Variants in CLSTN2 observed in about 807,000 individuals in gnomAD.
CLSTN2 encodes calsyntenin 2.
A neutral mutation model predicts 101.2 loss-of-function variants in CLSTN2; 48 were observed. That is an observed-to-expected ratio of 0.47 (90% CI 0.38 to 0.60). The LOEUF (loss-of-function observed/expected upper bound fraction) is 0.60. Among genes scored for constraint, CLSTN2 ranks in the 20% least tolerant of loss-of-function variants. The pLI is 0.00. For missense variants in CLSTN2, 1,160 were observed against 1,238.2 expected, an observed-to-expected ratio of 0.94 and a Z score of 0.95; for synonymous variants, 481 against 463.6, an observed-to-expected ratio of 1.04 and a Z score of -0.48.
intron 1 of CLSTN2, among the ~76,000 whole-genome samples, chr3:139,985,846 T>C (rs1209750593): frequency 6.6e-6 from 1 of 152,196 alleles, no homozygotes; most frequent in African/African-American, 2.4e-5. Flanking sequence ...TGCCATTCAG[T>C]ATGGTAGTTA....
At chr3:140,528,096 A>C (rs1935179926) in intron 8 of CLSTN2, among the ~76,000 whole-genome samples, 1 of 152,168 alleles carries the variant, frequency 6.6e-6, no homozygotes, top group Non-Finnish European at 1.5e-5. Flanking sequence ...AAATAATGTC[A>C]TTTCTTTCTC....
chr3:140,552,043 C>T (rs1421458421), intron 10 of CLSTN2, among the ~76,000 whole-genome samples: 1 of 151,984 alleles, frequency 6.6e-6, no homozygotes, highest in African/African-American at 2.4e-5. Context: ...AGGCAGGTGT[C>T]ATAGGGAGCA....
At chr3:140,135,090 ACACAC>A (rs1560105460) in intron 1 of CLSTN2, among the ~76,000 whole-genome samples, 78 of 37,606 alleles carry the variant, frequency 2.1e-3, no homozygotes, top group Non-Finnish European at 3.3e-3. Context: ...TCAAAAAAAC[ACACAC>A]ACACACACAC....
chr3:140,308,478 A>G (rs937418576), intron 2 of CLSTN2, among the ~76,000 whole-genome samples: 1 of 152,236 alleles, frequency 6.6e-6, no homozygotes, highest in Non-Finnish European at 1.5e-5. Flanking sequence ...CCTGATAAAT[A>G]AATGTGTGGT....
chr3:140,394,327 T>G (rs1050343898), intron 2 of CLSTN2, among the ~76,000 whole-genome samples: 6 of 152,222 alleles, frequency 3.9e-5, no homozygotes, highest in Non-Finnish European at 2.9e-5. Context: ...AATCCAGGTT[T>G]ACCCTTCTTT....
chr3:140,002,422 A>G (rs912182050), intron 1 of CLSTN2, among the ~76,000 whole-genome samples: 6 of 152,148 alleles, frequency 3.9e-5, no homozygotes, highest in East Asian at 1.9e-4. Context: ...ACTTTTACCT[A>G]TAGAGTTGTT....
chr3:140,156,390 A>G (rs926046750), intron 1 of CLSTN2, among the ~76,000 whole-genome samples: 9 of 152,198 alleles, frequency 5.9e-5, no homozygotes, highest in African/African-American at 2.2e-4. Flanking sequence ...GGCCTTCTGT[A>G]TCATAGATTC....
At chr3:140,299,967 T>C (rs1433228732) in intron 2 of CLSTN2, among the ~76,000 whole-genome samples, 1 of 152,190 alleles carries the variant, frequency 6.6e-6, no homozygotes, top group Non-Finnish European at 1.5e-5. Context: ...ATGATGGTTT[T>C]GTGTACAGCC....
rs909074689 is a variant in CLSTN2, at chr3:139,982,217, GTAT to G, written c.109+46743_109+46745del. Among the ~76,000 whole-genome samples, 263 of 151,916 alleles carry G rather than the reference GTAT, an allele frequency of 1.7e-3. 1 individual carries two copies. Among genetic ancestry groups the G allele is most frequent in the African/African-American group, 5.9e-3 (244 of 41,438 alleles). Reference sequence around the variant, plus strand: ...TTTGGTTGAATTTTTATATTTTCAGGTATTATTATTAATATAATTTTATATTAC... The same window carrying G: ...TTTGGTTGAATTTTTATATTTTCAGGTATTATTAATATAATTTTATATTAC... On this transcript the variant is annotated intron_variant, in intron 1 of 16. Coordinates refer to ENST00000458420, the MANE Select transcript of CLSTN2 (RefSeq NM_022131.3).
intron 2 of CLSTN2, among the ~76,000 whole-genome samples, chr3:140,177,361 C>G (rs930375618): frequency 6.6e-6 from 1 of 152,174 alleles, no homozygotes; most frequent in African/African-American, 2.4e-5. Context: ...TAGGAAGACT[C>G]TAACACATCT....
chr3:140,528,636 C>CA (rs3057900), intron 8 of CLSTN2, among the ~76,000 whole-genome samples: 24 of 148,984 alleles, frequency 1.6e-4, no homozygotes, highest in African/African-American at 4.6e-4. Context: ...GTGCCTCTGA[C>CA]AAAAAAAAGA....
intron 8 of CLSTN2, among the ~76,000 whole-genome samples, chr3:140,513,023 T>C (rs931741984): frequency 2.0e-5 from 3 of 152,210 alleles, no homozygotes; most frequent in Non-Finnish European, 2.9e-5. Context: ...ACTAAGACGA[T>C]GGGATTTTCT....
chr3:140,434,144 G>T (rs559543419), intron 5 of CLSTN2, among the ~76,000 whole-genome samples: 4 of 152,278 alleles, frequency 2.6e-5, no homozygotes, highest in African/African-American at 7.2e-5. Flanking sequence ...CCCTGCCACA[G>T]TTGTCCTCAT....
intron 1 of CLSTN2, among the ~76,000 whole-genome samples, chr3:139,994,115 G>A (rs192597472): frequency 6.0e-4 from 92 of 152,306 alleles, no homozygotes; most frequent in African/African-American, 2.2e-3. Context: ...ACATGCACCT[G>A]CCACAGCAGG....
At chr3:140,150,700 G>C (rs942705532) in intron 1 of CLSTN2, among the ~76,000 whole-genome samples, 8 of 152,080 alleles carry the variant, frequency 5.3e-5, no homozygotes, top group African/African-American at 1.9e-4. Context: ...GCTGCCATTG[G>C]GCTGTATCAC....
intron 9 of CLSTN2, among the ~76,000 whole-genome samples, chr3:140,533,390 G>T (rs1181946239): frequency 6.6e-6 from 1 of 152,174 alleles, no homozygotes; most frequent in Non-Finnish European, 1.5e-5. Flanking sequence ...ACCATGAGGG[G>T]CTGGGGATAG....
Position 140,196,179 on chromosome 3 carries a change from G to A in CLSTN2, c.232+20106G>A, listed in dbSNP as rs532427169. ...ATAACAGCTGAAAGAGAAAAAACAG[G>A]CACCTTTTAGCTACATCAGGTTCTG... On this transcript the variant is annotated intron_variant, in intron 2 of 16. Coordinates refer to ENST00000458420, the MANE Select transcript of CLSTN2 (RefSeq NM_022131.3). Among the ~76,000 whole-genome samples the A allele has an allele frequency of 3.9e-5, 6 of 152,296 alleles. No homozygotes were observed. The South Asian group carries it at 1.0e-3, about 26-fold the overall frequency.
chr3:140,373,407 A>G (rs547501762), intron 2 of CLSTN2, among the ~76,000 whole-genome samples: 38 of 152,336 alleles, frequency 2.5e-4, no homozygotes, highest in Non-Finnish European at 3.8e-4. Context: ...GTTAACAACT[A>G]CATTTTCAAC....
chr3:140,321,083 G>A (rs2087279506), intron 2 of CLSTN2, among the ~76,000 whole-genome samples: 1 of 152,210 alleles, frequency 6.6e-6, no homozygotes, highest in Non-Finnish European at 1.5e-5. Context: ...GCTTGGTTAT[G>A]AAAGGTAAAG....
Sources: gnomAD v4.1 joint callset for allele counts (sites outside exome capture counted in the v4.1 genomes callset) on GRCh38, gnomAD v4.1.1 for gene constraint, MANE v1.5 for transcripts, NCBI Gene and HGNC (gene_info 2026-07-23, HGNC 2026-07-21) for gene names.